The following DNAJC5 variants were observed in gnomAD, a reference collection of about 807,000 sequenced individuals.
DNAJC5 encodes DnaJ heat shock protein family (Hsp40) member C5, also known as dnaJ homolog subfamily C member 5.
Under a neutral mutation model 23.2 loss-of-function variants are expected in DNAJC5, and 1 was observed. That is an observed-to-expected ratio of 0.04 (90% confidence interval 0.02 to 0.20). DNAJC5 has a LOEUF of 0.20. Ranked by LOEUF, DNAJC5 falls within the 10% of genes least tolerant of loss-of-function variation. The pLI is 1.00. For synonymous variants in DNAJC5, 136 were observed against 120.0 expected (o/e 1.13, Z -0.87); for missense variants, 180 against 267.0 (o/e 0.67, Z 2.27).
Position 63,913,134 on chromosome 20 carries a change from A to G in DNAJC5, c.-11-15201A>G, listed in dbSNP as rs1028310950. Among the ~76,000 whole-genome samples, 4 of 79,900 alleles carry G rather than the reference A, an allele frequency of 5.0e-5. No individual in the cohort carries two copies. In the East Asian group the frequency reaches 4.5e-3, roughly 90 times the overall value. 52.4% of individuals were successfully genotyped at this position (79,900 alleles called of 152,430 possible). On this transcript the variant is annotated intron_variant, in intron 1 of 4. Transcript: ENST00000360864. ...AGGTGTTTGCTGGTGCCTTCTTTGC[A>G]GTTCCCTGTGCTGTGTCATGCCCGT...
At chr20:63,908,421 T>G (rs2053460944) in intron 1 of DNAJC5, among the ~76,000 whole-genome samples, 1 of 152,220 alleles carries the variant, frequency 6.6e-6, no homozygotes, top group Non-Finnish European at 1.5e-5. Flanking sequence ...CTCTGTGTCT[T>G]GAGCTTCTGC....
At chr20:63,919,308 G>C in intron 1 of DNAJC5, 1 of 466,746 alleles carries the variant, frequency 2.1e-6, no homozygotes, top group Admixed American at 2.2e-5. Flanking sequence ...AGCGAGGCAT[G>C]TGATCGATGC....
intron 1 of DNAJC5, among the ~76,000 whole-genome samples, chr20:63,919,031 G>GT (rs778857808): frequency 6.6e-6 from 1 of 152,218 alleles, no homozygotes; most frequent in Non-Finnish European, 1.5e-5. Context: ...CCCAACAGTA[G>GT]TTTGAGTTCA....
At chr20:63,913,133 C>T (rs2053494086) in intron 1 of DNAJC5, among the ~76,000 whole-genome samples, 1 of 152,106 alleles carries the variant, frequency 6.6e-6, no homozygotes, top group African/African-American at 2.4e-5. Context: ...GCCTTCTTTG[C>T]AGTTCCCTGT....
chr20:63,929,320 C>T lies in DNAJC5; in HGVS notation c.116C>T (p.Ala39Val). 1 of 1,613,786 alleles carries T rather than the reference C, an allele frequency of 6.2e-7. No individual in the cohort carries two copies. The highest frequency in any genetic ancestry group is 8.5e-7 in the Non-Finnish European group (1 of 1,179,884). Residue 39 changes from alanine to valine, a missense_variant, in exon 3 of 5, where the codon GCC becomes GTC. Transcript: ENST00000360864. This position sits in a 1 kb window ranked among gnomAD's most constrained non-coding sequence, Gnocchi z 8.6. ...DDIKKSYRKLALKYHPDKNPD... is the reference protein window; with the variant it reads ...DDIKKSYRKLVLKYHPDKNPD... ...ATGGTTTTGGTTTGCAGGAAGCTTG[C>T]CTTGAAATATCACCCCGACAAGAAC...
chr20:63,920,292 C>T lies in DNAJC5; in HGVS notation c.-11-8043C>T, dbSNP rs112708386. 4.9e-4 allele frequency among the ~76,000 whole-genome samples: 75 copies of T among 152,358 alleles called. No individual in the cohort carries two copies. The highest frequency in any genetic ancestry group is 9.3e-4 in the Non-Finnish European group (63 of 68,036). On this transcript the variant is annotated intron_variant, in intron 1 of 4. Transcript: ENST00000360864. This position sits in a 1 kb window ranked among gnomAD's most constrained non-coding sequence, Gnocchi z 4.6. ...AGACGGCAGGTGCGTCAGGGGCTGA[C>T]GTGGGACCCGGCACTCTGTGCTCTG...
intron 1 of DNAJC5, among the ~76,000 whole-genome samples, chr20:63,902,675 G>GC (rs550991213): frequency 1.3e-3 from 144 of 108,158 alleles, no homozygotes; most frequent in African/African-American, 5.1e-3. Context: ...GCCTCATCTT[G>GC]TTTTTTTTTT....
intron 1 of DNAJC5, among the ~76,000 whole-genome samples, chr20:63,917,699 G>A (rs1248305209): frequency 1.3e-5 from 2 of 152,012 alleles, no homozygotes; most frequent in African/African-American, 2.4e-5. Flanking sequence ...GGGACTACAG[G>A]CATGCGCCAT....
intron 1 of DNAJC5, among the ~76,000 whole-genome samples, chr20:63,905,179 G>A (rs1160977020): frequency 1.3e-5 from 2 of 149,364 alleles, no homozygotes; most frequent in African/African-American, 2.5e-5. Context: ...GCCATGGCAC[G>A]ATCTCGGCTC....
Position 63,934,622 on chromosome 20 carries a change from C to CT in DNAJC5, c.*3058dup, listed in dbSNP as rs1383172918. 3 of 152,276 alleles carry CT rather than the reference C, an allele frequency of 2.0e-5. No individual in the cohort carries two copies. Among genetic ancestry groups the CT allele is most frequent in the Non-Finnish European group, 4.4e-5 (3 of 68,070 alleles). The allele number at this position is 152,276 out of a possible 1,614,324, so 9.4% of individuals were successfully genotyped here. On this transcript the variant is annotated 3_prime_UTR_variant, in exon 5 of 5. Transcript: ENST00000360864. ...AGTGACGTGGGATTTTTTTGTCTTC[C>CT]TTTTGGCTTTATTTTTAAACTGCTT...
chr20:63,906,189 T>C (rs1251141314), intron 1 of DNAJC5, among the ~76,000 whole-genome samples: 1 of 152,202 alleles, frequency 6.6e-6, no homozygotes, highest in Non-Finnish European at 1.5e-5. Context: ...TATTTTACTT[T>C]TATTTAAAAA....
At chr20:63,921,313 C>T (rs552901912) in intron 1 of DNAJC5, among the ~76,000 whole-genome samples, 115 of 152,134 alleles carry the variant, frequency 7.6e-4, no homozygotes, top group African/African-American at 2.6e-3. Context: ...TGACTGAGGC[C>T]GGGCCTGGTG....
chr20:63,922,200 G>T (rs1036908188), intron 1 of DNAJC5, among the ~76,000 whole-genome samples: 1 of 152,074 alleles, frequency 6.6e-6, no homozygotes, highest in African/African-American at 2.4e-5. Flanking sequence ...GGTGGCTCAC[G>T]CCTGTAATCC....
intron 1 of DNAJC5, among the ~76,000 whole-genome samples, chr20:63,924,438 G>A (rs2053595407): frequency 6.6e-6 from 1 of 152,196 alleles, no homozygotes; most frequent in Non-Finnish European, 1.5e-5. Context: ...CCAGGCTACA[G>A]TGTGGTGGCA....
intron 1 of DNAJC5, among the ~76,000 whole-genome samples, chr20:63,908,212 G>T (rs1290750408): frequency 1.3e-5 from 2 of 152,202 alleles, no homozygotes; most frequent in Non-Finnish European, 2.9e-5. Context: ...CTTCACCAGG[G>T]ACAGCCCCAC....
Position 63,920,203 on chromosome 20 carries a change from C to G in DNAJC5, c.-11-8132C>G, listed in dbSNP as rs2053556225. On this transcript the variant is annotated intron_variant, in intron 1 of 4. Coordinates refer to ENST00000360864, the MANE Select transcript of DNAJC5 (RefSeq NM_025219.3). This position sits in a 1 kb window ranked among gnomAD's most constrained non-coding sequence, Gnocchi z 4.6. ...GGCAGGGGAGGTTCCCAAGAGCAGG[C>G]TCAGGGCTCTGGGGTCTGAGTGAGG... Among the ~76,000 whole-genome samples, 1 of 152,262 alleles carries G rather than the reference C, an allele frequency of 6.6e-6. No individual in the cohort carries two copies. Among genetic ancestry groups the G allele is most frequent in the African/African-American group, 2.4e-5 (1 of 41,470 alleles).
At chr20:63,926,828 C>T (rs2053620274) in intron 1 of DNAJC5, among the ~76,000 whole-genome samples, 1 of 152,212 alleles carries the variant, frequency 6.6e-6, no homozygotes, top group South Asian at 2.1e-4. Context: ...CAAGAAACAC[C>T]CTCCCAGGCA....
chr20:63,931,359 C>G lies in DNAJC5; in HGVS notation c.494-106C>G, dbSNP rs2053668904. On this transcript the variant is annotated intron_variant, in intron 4 of 4. Transcript: ENST00000360864. The surrounding 1 kb of genome is among the most constrained non-coding windows in gnomAD (Gnocchi z 9.6). Reference sequence around the variant, plus strand: ...GGTGGAGGTCAGCGAGTAGCCTCTCCCGGTGGAGAGTTTGTCCAGGTGCCC... The same window carrying G: ...GGTGGAGGTCAGCGAGTAGCCTCTCGCGGTGGAGAGTTTGTCCAGGTGCCC... 1 of 1,109,424 alleles carries G rather than the reference C, an allele frequency of 9.0e-7. No individual in the cohort carries two copies. The highest frequency in any genetic ancestry group is 2.0e-5 in the Admixed American group (1 of 50,410). 68.7% of individuals were successfully genotyped at this position (1,109,424 alleles called of 1,614,324 possible).
Position 63,931,163 on chromosome 20 carries a change from G to A in DNAJC5, c.493+141G>A, listed in dbSNP as rs556655231. ...TGTGGTGGCAGCTGGGACTGTTGAG[G>A]TGTGAACGTGGACCCTGAGGTAAAG... On this transcript the variant is annotated intron_variant, in intron 4 of 4. Coordinates refer to ENST00000360864, the MANE Select transcript of DNAJC5 (RefSeq NM_025219.3). This position sits in a 1 kb window ranked among gnomAD's most constrained non-coding sequence, Gnocchi z 9.6. 1.0e-6 allele frequency: 1 copy of A among 952,520 alleles called. No homozygotes were observed. Among genetic ancestry groups the A allele is most frequent in the African/African-American group, 1.6e-5 (1 of 61,846 alleles). The allele number at this position is 952,520 out of a possible 1,614,324, so 59.0% of individuals were successfully genotyped here. A position where few individuals can be genotyped will look rare whatever the true frequency, so the allele number is the denominator to read the frequency against.
Sources: allele counts gnomAD v4.1 joint callset (sites outside exome capture counted in the v4.1 genomes callset), GRCh38; gene constraint gnomAD v4.1.1; non-coding constraint Gnocchi (gnomAD v3.1); transcripts MANE v1.5; gene names NCBI Gene and HGNC (gene_info 2026-07-23, HGNC 2026-07-21).